FHOD3: variants seen among roughly 807,000 people sequenced by gnomAD.
FHOD3 encodes FH1/FH2 domain-containing protein 3.
Under a neutral mutation model 173.0 loss-of-function variants are expected in FHOD3, and 90 were observed. The ratio of observed to expected loss-of-function variants is 0.52; its 90% CI spans 0.44 to 0.62. The LOEUF (loss-of-function observed/expected upper bound fraction) is 0.62, where lower values mean the gene tolerates loss of function less well. FHOD3 is among the 20% of genes least tolerant of loss of function. The probability of loss-of-function intolerance (pLI) is 0.00; values close to 1 mark genes in which losing one functional copy is unlikely to be tolerated. For missense variants in FHOD3, 1,945 were observed against 2,034.7 expected, an observed-to-expected ratio of 0.96 and a Z score of 0.85; for synonymous variants, 828 against 823.0, an observed-to-expected ratio of 1.01 and a Z score of -0.10.
intron 6 of FHOD3, among the ~76,000 whole-genome samples, chr18:36,578,928 C>T (rs1259714307): frequency 6.6e-6 from 1 of 151,924 alleles, no homozygotes; most frequent in Non-Finnish European, 1.5e-5. Context: ...CTATGCTTTC[C>T]CTCAGAAGAT....
At chr18:36,495,549 C>T (rs1281030055) in intron 3 of FHOD3, among the ~76,000 whole-genome samples, 1 of 152,216 alleles carries the variant, frequency 6.6e-6, no homozygotes, top group African/African-American at 2.4e-5. Context: ...TCTACAGCCC[C>T]CTTCTGCACC....
At position 36,439,537 on chromosome 18, in the gene FHOD3, G is replaced by A. The variant is rs963109420; in HGVS notation, c.338-62395G>A. Among the ~76,000 whole-genome samples, 106 of 150,462 alleles carry A rather than the reference G, an allele frequency of 7.0e-4. 1 individual carries two copies. The highest frequency in any genetic ancestry group is 3.4e-3 in the Middle Eastern group (1 of 294). On this transcript the variant is annotated intron_variant, in intron 3 of 28. Transcript: ENST00000590592. Reference sequence around the variant, plus strand: ...ACCAATAGAATGTGTGTGTGTGTGTGTGTGTGTGTGTGTGTGTGTGTGTGT... The same window carrying A: ...ACCAATAGAATGTGTGTGTGTGTGTATGTGTGTGTGTGTGTGTGTGTGTGT...
At chr18:36,335,656 G>A (rs1018441155) in intron 1 of FHOD3, among the ~76,000 whole-genome samples, 1 of 152,176 alleles carries the variant, frequency 6.6e-6, no homozygotes, top group African/African-American at 2.4e-5. Context: ...GGAGTCATAA[G>A]CTTCTAGACC....
At position 36,597,538 on chromosome 18, in the gene FHOD3, T is replaced by G. The variant is rs1371100769; in HGVS notation, c.718+2640T>G. ...GCCTCTCGGGTTCACGCCATTCTCC[T>G]GCCTCAGCCTCCCGAGTAGTTGGGA... On this transcript the variant is annotated intron_variant, in intron 7 of 28. Coordinates refer to ENST00000590592, the MANE Select transcript of FHOD3 (RefSeq NM_001281740.3). Among the ~76,000 whole-genome samples, 5 of 152,184 alleles carry G rather than the reference T, an allele frequency of 3.3e-5. No individual in the cohort carries two copies. The South Asian group carries it at 1.0e-3, about 32-fold the overall frequency.
At chr18:36,508,281 T>TTA (rs1555733010) in intron 4 of FHOD3, among the ~76,000 whole-genome samples, 284 of 150,842 alleles carry the variant, frequency 1.9e-3, no homozygotes, top group African/African-American at 6.3e-3. Flanking sequence ...TTTTTTTTTT[T>TTA]AAAAAAAGCT....
intron 1 of FHOD3, among the ~76,000 whole-genome samples, chr18:36,343,557 T>A (rs1428734108): frequency 6.6e-6 from 1 of 151,704 alleles, no homozygotes; most frequent in Non-Finnish European, 1.5e-5. Context: ...TGGGGGAGAG[T>A]GAGTTCTTAC....
At chr18:36,445,997 A>G (rs1315127171) in intron 3 of FHOD3, among the ~76,000 whole-genome samples, 3 of 152,334 alleles carry the variant, frequency 2.0e-5, no homozygotes, top group African/African-American at 7.2e-5. Flanking sequence ...GCTTCCCTCC[A>G]GGTCTCCGTT....
intron 13 of FHOD3, among the ~76,000 whole-genome samples, chr18:36,653,708 G>A (rs1480266514): frequency 6.6e-6 from 1 of 152,172 alleles, no homozygotes; most frequent in Non-Finnish European, 1.5e-5. Context: ...GCTCTCTGCT[G>A]GAGTGGGGAA....
chr18:36,579,297 G>C (rs989271777), intron 6 of FHOD3, among the ~76,000 whole-genome samples: 1 of 152,150 alleles, frequency 6.6e-6, no homozygotes, highest in Admixed American at 6.5e-5. Flanking sequence ...ATGGTTTTAT[G>C]ATGGCCATGA....
Position 36,396,375 on chromosome 18 carries a change from C to T in FHOD3, c.337+23631C>T, listed in dbSNP as rs183382915. On this transcript the variant is annotated intron_variant, in intron 3 of 28. Coordinates refer to ENST00000590592, the MANE Select transcript of FHOD3 (RefSeq NM_001281740.3). ...GGACCCCTGTTAGGTGTGTGTTAGA[C>T]CTTCTTTGCCTACCTGCAGTGATTC... 2.6e-5 allele frequency among the ~76,000 whole-genome samples: 4 copies of T among 152,266 alleles called. No individual in the cohort carries two copies. In the East Asian group the frequency reaches 7.7e-4, roughly 29 times the overall value.
At position 36,517,617 on chromosome 18, in the gene FHOD3, T is replaced by A. The variant is rs1400073537; in HGVS notation, c.511+5074T>A. ...GGAGAAATTTAATTTGGTCATTTCA[T>A]CTAAACCAAAATACCAATTAATCAT... On this transcript the variant is annotated intron_variant, in intron 5 of 28. Transcript: ENST00000590592. 2.0e-5 allele frequency among the ~76,000 whole-genome samples: 3 copies of A among 152,240 alleles called. No individual in the cohort carries two copies. In the East Asian group the frequency reaches 5.8e-4, roughly 29 times the overall value.
In FHOD3 at chr18:36,747,044, C is replaced by T; in HGVS notation, c.4141C>T (p.Pro1381Ser). Reference sequence around the variant, plus strand: ...GGCAATTGCAAAACATGAAATGAAACCAGTTTTAAAACAACGGATGTCAGA... The same window carrying T: ...GGCAATTGCAAAACATGAAATGAAATCAGTTTTAAAACAACGGATGTCAGA... ...LKAIAKHEMK[P>S]VLKQRMSEFL... is the part of the protein sequence containing the mutation. The change falls in exon 24 of 29, where the codon CCA becomes TCA. Residue 1381 changes from proline (P) to serine (S), a missense_variant. Coordinates refer to ENST00000590592, the MANE Select transcript of FHOD3 (RefSeq NM_001281740.3). 1 of 1,613,946 alleles carries T rather than the reference C, an allele frequency of 6.2e-7. No homozygotes were observed. Among genetic ancestry groups the T allele is most frequent in the African/African-American group, 1.3e-5 (1 of 75,018 alleles).
intron 3 of FHOD3, among the ~76,000 whole-genome samples, chr18:36,398,952 C>G (rs1171758573): frequency 1.3e-5 from 2 of 152,068 alleles, no homozygotes; most frequent in South Asian, 4.1e-4. Context: ...TTTGGTCTGG[C>G]TGGTGTTGAG....
intron 14 of FHOD3, among the ~76,000 whole-genome samples, chr18:36,670,101 C>A (rs2037434394): frequency 6.6e-6 from 1 of 151,720 alleles, no homozygotes; most frequent in Non-Finnish European, 1.5e-5. Flanking sequence ...GATAAATCTT[C>A]TGTTTTTATT....
chr18:36,348,745 T>C (rs1041892881), intron 1 of FHOD3, among the ~76,000 whole-genome samples: 2 of 152,038 alleles, frequency 1.3e-5, no homozygotes, highest in Non-Finnish European at 1.5e-5. Context: ...AAGCAGGACT[T>C]TGGGCTCAGG....
intron 3 of FHOD3, among the ~76,000 whole-genome samples, chr18:36,456,784 C>A (rs756575667): frequency 1.3e-5 from 2 of 152,054 alleles, no homozygotes; most frequent in Non-Finnish European, 2.9e-5. Context: ...TCTTGCCTGC[C>A]CATGTAAAGC....
intron 1 of FHOD3, among the ~76,000 whole-genome samples, chr18:36,318,737 T>A (rs2044253223): frequency 6.6e-6 from 1 of 152,220 alleles, no homozygotes; most frequent in Non-Finnish European, 1.5e-5. Context: ...CTGATTGCCC[T>A]GGCCAGAACT....
intron 24 of FHOD3, among the ~76,000 whole-genome samples, chr18:36,754,647 T>C (rs2042547403): frequency 6.6e-6 from 1 of 152,120 alleles, no homozygotes; most frequent in Non-Finnish European, 1.5e-5. Context: ...CTATTTTAAG[T>C]GTTCATTCCA....
At chr18:36,560,920 G>A (rs917850478) in intron 5 of FHOD3, among the ~76,000 whole-genome samples, 11 of 147,822 alleles carry the variant, frequency 7.4e-5, no homozygotes, top group African/African-American at 2.8e-4. Context: ...CTTCTGTTCA[G>A]AATCATCCCC....
Sources: gnomAD v4.1 joint callset for allele counts (sites outside exome capture counted in the v4.1 genomes callset) on GRCh38, gnomAD v4.1.1 for gene constraint, MANE v1.5 for transcripts, NCBI Gene and HGNC (gene_info 2026-07-23, HGNC 2026-07-21) for gene names.